Variants in SLC1A1 observed in about 807,000 individuals in gnomAD.
The protein encoded by SLC1A1 is excitatory amino acid transporter 3.
Under a neutral mutation model 53.3 loss-of-function variants are expected in SLC1A1, and 43 were observed. The observed-to-expected ratio is 0.81, with a 90% CI of 0.63 to 1.04. SLC1A1 has a LOEUF of 1.04. Ranked by LOEUF, SLC1A1 falls within the 50% of genes least tolerant of loss-of-function variation. The pLI is 0.00. For missense variants in SLC1A1, 748 were observed against 664.9 expected (o/e 1.12, Z -1.37); for synonymous variants, 307 against 243.2 (o/e 1.26, Z -2.44).
Position 4,497,830 on chromosome 9 carries a change from C to G in SLC1A1, c.91+7060C>G, listed in dbSNP as rs7044130. 1.0e-3 allele frequency among the ~76,000 whole-genome samples: 156 copies of G among 152,146 alleles called. 2 individuals carry two copies. In the East Asian group the frequency reaches 0.022, roughly 22 times the overall value. ...TTTTTTAATTTTTAAAAAAGTATAT[C>G]TGATACCTATACTCTCTGAGTCTTT... On this transcript the variant is annotated intron_variant, in intron 1 of 11. Transcript: ENST00000262352.
intron 9 of SLC1A1, among the ~76,000 whole-genome samples, chr9:4,576,325 G>A (rs1402390569): frequency 3.9e-5 from 6 of 152,264 alleles, no homozygotes; most frequent in Non-Finnish European, 5.9e-5. Context: ...TGCAGCTCAG[G>A]AAGGGGTTAT....
At chr9:4,548,096 A>T (rs1275736094) in intron 2 of SLC1A1, among the ~76,000 whole-genome samples, 1 of 152,166 alleles carries the variant, frequency 6.6e-6, no homozygotes, top group Non-Finnish European at 1.5e-5. Flanking sequence ...TTGTATTTTT[A>T]ATGAAAGAGA....
chr9:4,533,340 A>C (rs940364310), intron 1 of SLC1A1, among the ~76,000 whole-genome samples: 2 of 152,200 alleles, frequency 1.3e-5, no homozygotes, highest in Non-Finnish European at 2.9e-5. Flanking sequence ...AGAGACACAA[A>C]TAGGCTCAAA....
intron 1 of SLC1A1, among the ~76,000 whole-genome samples, chr9:4,543,254 T>A (rs1032028999): frequency 2.5e-4 from 38 of 152,260 alleles, no homozygotes; most frequent in African/African-American, 8.9e-4. Context: ...TAGGTTCACA[T>A]ACCAGTGATA....
intron 1 of SLC1A1, among the ~76,000 whole-genome samples, chr9:4,541,942 T>C (rs779308220): frequency 1.3e-5 from 2 of 152,178 alleles, no homozygotes; most frequent in African/African-American, 4.8e-5. Flanking sequence ...TGACCTCTTC[T>C]TGGGACCTGG....
chr9:4,501,517 A>C (rs548960358), intron 1 of SLC1A1, among the ~76,000 whole-genome samples: 1 of 151,554 alleles, frequency 6.6e-6, no homozygotes, highest in African/African-American at 2.4e-5. Context: ...GTAATCCCAG[A>C]ACTTTGGGAG....
chr9:4,524,151 G>A (rs964547662), intron 1 of SLC1A1, among the ~76,000 whole-genome samples: 5 of 152,164 alleles, frequency 3.3e-5, no homozygotes, highest in African/African-American at 1.2e-4. Flanking sequence ...GGGAATACTT[G>A]GAAAAGCAAT....
chr9:4,534,509 C>T (rs1816599507), intron 1 of SLC1A1, among the ~76,000 whole-genome samples: 1 of 152,184 alleles, frequency 6.6e-6, no homozygotes, highest in African/African-American at 2.4e-5. Context: ...AAGACTAAAC[C>T]AGCAAGAAGT....
chr9:4,540,998 C>T (rs889709093), intron 1 of SLC1A1, among the ~76,000 whole-genome samples: 2 of 152,194 alleles, frequency 1.3e-5, no homozygotes, highest in Non-Finnish European at 2.9e-5. Flanking sequence ...TACCAGTGTC[C>T]TTCCCAAGCT....
chr9:4,507,084 A>T (rs1352471224), intron 1 of SLC1A1, among the ~76,000 whole-genome samples: 2 of 152,118 alleles, frequency 1.3e-5, no homozygotes, highest in Non-Finnish European at 2.9e-5. Context: ...ACAAAAAAAA[A>T]TTAGCTGAGC....
chr9:4,579,183 C>G (rs1215441469), intron 10 of SLC1A1, among the ~76,000 whole-genome samples: 2 of 152,216 alleles, frequency 1.3e-5, no homozygotes, highest in Non-Finnish European at 2.9e-5. Context: ...GCTAAAGAAG[C>G]CTGTGCCAAA....
At chr9:4,516,430 A>C (rs1480633033) in intron 1 of SLC1A1, among the ~76,000 whole-genome samples, 1 of 152,172 alleles carries the variant, frequency 6.6e-6, no homozygotes, top group Non-Finnish European at 1.5e-5. Context: ...GAATTAATGA[A>C]CTGATTCATA....
chr9:4,576,103 A>G lies in SLC1A1; in HGVS notation c.978A>G (p.Thr326=), dbSNP rs1035759737. ...FAMGMAQALL[T]ALMISSSSAT... The stretch of plus-strand genomic sequence containing the variant: ...TGGGAATGGCCCAGGCTCTCCTGAC[A>G]GCTCTCATGATCTCTTCCAGGTAAA... The change falls in exon 9 of 12, where the codon ACA becomes ACG. Residue 326 remains threonine (T), a synonymous_variant. Transcript: ENST00000262352. The G allele has an allele frequency of 6.2e-7, 1 of 1,613,964 alleles. No homozygotes were observed. Among genetic ancestry groups the G allele is most frequent in the Non-Finnish European group, 8.5e-7 (1 of 1,179,808 alleles).
chr9:4,551,737 G>T (rs1195306312), intron 2 of SLC1A1, among the ~76,000 whole-genome samples: 1 of 152,222 alleles, frequency 6.6e-6, no homozygotes, highest in African/African-American at 2.4e-5. Flanking sequence ...GTCTGAGAGT[G>T]AACTTCTTGC....
At chr9:4,565,230 CT>C (rs1819369237) in intron 4 of SLC1A1, among the ~76,000 whole-genome samples, 1 of 152,138 alleles carries the variant, frequency 6.6e-6, no homozygotes, top group African/African-American at 2.4e-5. Context: ...ACCATACCTT[CT>C]TTTTATGCTC....
At chr9:4,494,885 C>T (rs917326597) in intron 1 of SLC1A1, among the ~76,000 whole-genome samples, 1 of 152,144 alleles carries the variant, frequency 6.6e-6, no homozygotes, top group Non-Finnish European at 1.5e-5. Flanking sequence ...GCCATTACTT[C>T]TGTCATTTGA....
intron 1 of SLC1A1, among the ~76,000 whole-genome samples, chr9:4,514,740 C>A (rs1415539093): frequency 6.6e-6 from 1 of 152,042 alleles, no homozygotes; most frequent in African/African-American, 2.4e-5. Flanking sequence ...GTGACTCCGC[C>A]AGATTTGCAT....
At chr9:4,503,392 G>C (rs139451167) in intron 1 of SLC1A1, among the ~76,000 whole-genome samples, 1 of 152,014 alleles carries the variant, frequency 6.6e-6, no homozygotes, top group African/African-American at 2.4e-5. Flanking sequence ...AAGAGAAGCA[G>C]AGTCAAAGTC....
At chr9:4,499,225 A>G (rs531567192) in intron 1 of SLC1A1, among the ~76,000 whole-genome samples, 206 of 151,610 alleles carry the variant, frequency 1.4e-3, no homozygotes, top group Non-Finnish European at 2.4e-3. Context: ...TTGTATTTTT[A>G]GTAGAGACAA....
Sources: gnomAD v4.1 joint callset for allele counts (sites outside exome capture counted in the v4.1 genomes callset) on GRCh38, gnomAD v4.1.1 for gene constraint, MANE v1.5 for transcripts, NCBI Gene and HGNC (gene_info 2026-07-23, HGNC 2026-07-21) for gene names.